Variants in LRRC28 observed in about 807,000 individuals in gnomAD.
LRRC28 encodes leucine-rich repeat-containing protein 28.
LRRC28 carries 39 observed loss-of-function variants against 45.7 expected under a neutral mutation model. That is an observed-to-expected ratio of 0.85 (90% CI 0.66 to 1.12). The LOEUF (loss-of-function observed/expected upper bound fraction) is 1.12, where lower values mean the gene tolerates loss of function less well. Ranked by LOEUF, LRRC28 falls within the 50% of genes most tolerant of loss-of-function variation. LRRC28 has a pLI of 0.00. For synonymous variants in LRRC28, 206 were observed against 178.8 expected, an observed-to-expected ratio of 1.15 and a Z score of -1.22; for missense variants, 435 against 438.5, an observed-to-expected ratio of 0.99 and a Z score of 0.07.
intron 9 of LRRC28, among the ~76,000 whole-genome samples, chr15:99,377,603 A>G (rs1322074354): frequency 2.6e-5 from 4 of 152,296 alleles, no homozygotes; most frequent in Admixed American, 2.6e-4. Context: ...TGTTTTAGAC[A>G]TGAAGTCCTT....
chr15:99,313,484 A>G (rs1258633887), intron 5 of LRRC28, among the ~76,000 whole-genome samples: 2 of 152,230 alleles, frequency 1.3e-5, no homozygotes, highest in South Asian at 4.2e-4. Flanking sequence ...TGCAGCACAC[A>G]TAGAATATTC....
chr15:99,259,454 G>C, intron 2 of LRRC28: 1 of 1,266,386 alleles, frequency 7.9e-7, no homozygotes, highest in Non-Finnish European at 1.2e-6. Context: ...AGTTGAGAAA[G>C]AATTTGAGCC....
chr15:99,287,295 G>T lies in LRRC28; in HGVS notation c.247+1G>T, dbSNP rs1229210358. 5.8e-6 allele frequency: 9 copies of T among 1,554,090 alleles called. No homozygotes were observed. The highest frequency in any genetic ancestry group is 7.8e-6 in the Non-Finnish European group (9 of 1,153,462). On this transcript the variant is annotated splice_donor_variant, in intron 4 of 9. Transcript: ENST00000301981. LOFTEE classifies it high-confidence loss of function. ...AATAACATAGTTGTGGTTCCGGAAG[G>T]TATGTTTAACTTAAAAATTTTAGTT... is the stretch of plus-strand genomic sequence containing the variant.
chr15:99,269,075 G>GTT (rs574928357), intron 2 of LRRC28, among the ~76,000 whole-genome samples: 7,949 of 151,884 alleles, frequency 0.052, 291 homozygotes, highest in Admixed American at 0.11. Flanking sequence ...TGGATGTATA[G>GTT]TTTTTTTTAT....
At position 99,334,129 on chromosome 15, in the gene LRRC28, G is replaced by A. The variant is rs779832672; in HGVS notation, c.592G>A (p.Asp198Asn). 1.2e-6 allele frequency: 2 copies of A among 1,614,052 alleles called. No homozygotes were observed. Among genetic ancestry groups the A allele is most frequent in the African/African-American group, 1.3e-5 (1 of 75,030 alleles). Reference protein sequence around the residue: ...AGNRLAFLPLDLGRSRELQYV... With the variant: ...AGNRLAFLPLNLGRSRELQYV... ...AAACCGTCTTGCATTTTTGCCACTT[G>A]GTAAGTGATTGTGTTTAAAGTAAAG... The change falls in exon 6 of 10, where the codon GAT becomes AAT. Residue 198 changes from aspartate (D) to asparagine (N), a missense_variant and splice_region_variant. Coordinates refer to ENST00000301981, the MANE Select transcript of LRRC28 (RefSeq NM_144598.5).
intron 5 of LRRC28, among the ~76,000 whole-genome samples, chr15:99,293,873 TG>T (rs1276451665): frequency 6.6e-6 from 1 of 152,312 alleles, no homozygotes; most frequent in East Asian, 1.9e-4. Context: ...GCAGTTCTAC[TG>T]GCAGTGAACT....
chr15:99,345,491 G>C (rs1314919636), intron 6 of LRRC28, among the ~76,000 whole-genome samples: 1 of 152,064 alleles, frequency 6.6e-6, no homozygotes. Flanking sequence ...TGTCTGTTTA[G>C]ATGCTTTGCC....
intron 5 of LRRC28, among the ~76,000 whole-genome samples, chr15:99,308,159 C>A (rs1955256426): frequency 6.6e-6 from 1 of 152,098 alleles, no homozygotes; most frequent in Admixed American, 6.6e-5. Flanking sequence ...CTTTCTTTTA[C>A]CAACAGGGCA....
chr15:99,376,363 G>C (rs966467802), intron 9 of LRRC28, among the ~76,000 whole-genome samples: 1 of 151,966 alleles, frequency 6.6e-6, no homozygotes, highest in African/African-American at 2.4e-5. Flanking sequence ...ATTTTTCCTT[G>C]CTTTAAACTT....
intron 2 of LRRC28, among the ~76,000 whole-genome samples, chr15:99,273,299 C>T (rs550801346): frequency 1.8e-4 from 27 of 151,750 alleles, no homozygotes; most frequent in African/African-American, 6.3e-4. Context: ...TGCAGTGGCG[C>T]GATCTTGGCT....
intron 5 of LRRC28, among the ~76,000 whole-genome samples, chr15:99,304,273 T>A (rs1955097474): frequency 6.6e-6 from 1 of 152,220 alleles, no homozygotes; most frequent in Non-Finnish European, 1.5e-5. Flanking sequence ...TGTCAACCCC[T>A]GTGATTATCT....
intron 7 of LRRC28, 149 bp from the exon 8 acceptor site, chr15:99,361,187 C>G (rs768113824): frequency 1.0e-6 from 1 of 965,484 alleles, no homozygotes; most frequent in African/African-American, 1.7e-5. Flanking sequence ...TGAAGGAACC[C>G]GGGATAGCAT....
intron 6 of LRRC28, among the ~76,000 whole-genome samples, chr15:99,340,837 A>T (rs1956482258): frequency 6.6e-6 from 1 of 152,224 alleles, no homozygotes; most frequent in Non-Finnish European, 1.5e-5. Flanking sequence ...TAATGAAAAC[A>T]GAGAAGAGAA....
intron 5 of LRRC28, among the ~76,000 whole-genome samples, chr15:99,325,031 C>T (rs1053816011): frequency 6.6e-6 from 1 of 152,170 alleles, no homozygotes; most frequent in Non-Finnish European, 1.5e-5. Context: ...GGGAGTGTGC[C>T]ATCTCACCAG....
rs765847519 is a variant in LRRC28 at position 99,352,439 on chromosome 15, T to C, written c.663T>C (p.Ser221=). The part of the protein sequence containing the change: ...DNNIHLKGLP[S]YLYNKVIGCS... ...ACATTCACCTGAAAGGCTTGCCATCTTATCTGTACAATAAAGTCATCGGGT... is the reference window on the plus strand; with the variant it reads ...ACATTCACCTGAAAGGCTTGCCATCCTATCTGTACAATAAAGTCATCGGGT... Residue 221 remains serine (S), a synonymous_variant, in exon 7 of 10, where the codon TCT becomes TCC. Transcript: ENST00000301981. The C allele has an allele frequency of 6.2e-7, 1 of 1,614,054 alleles. No individual in the cohort carries two copies. The highest frequency in any genetic ancestry group is 1.1e-5 in the South Asian group (1 of 91,076).
intron 5 of LRRC28, among the ~76,000 whole-genome samples, chr15:99,290,639 A>G (rs1184376099): frequency 6.6e-6 from 1 of 152,062 alleles, no homozygotes; most frequent in Non-Finnish European, 1.5e-5. Context: ...TTTTACATAC[A>G]TTTAAAGAAT....
At chr15:99,284,192 T>C (rs781769662) in intron 3 of LRRC28, among the ~76,000 whole-genome samples, 16 of 152,210 alleles carry the variant, frequency 1.1e-4, no homozygotes, top group Non-Finnish European at 2.1e-4. Flanking sequence ...TGAGTTGAGA[T>C]GGTGTTTCAC....
intron 5 of LRRC28, among the ~76,000 whole-genome samples, chr15:99,304,511 A>ACCT (rs1955108220): frequency 6.6e-6 from 1 of 151,658 alleles, no homozygotes; most frequent in Non-Finnish European, 1.5e-5. Context: ...GCTCACTGCA[A>ACCT]CCTCTGCCTC....
intron 2 of LRRC28, among the ~76,000 whole-genome samples, chr15:99,272,735 T>C (rs2081514886): frequency 6.6e-6 from 1 of 152,218 alleles, no homozygotes; most frequent in African/African-American, 2.4e-5. Flanking sequence ...AATCCTTGGC[T>C]TGATTTAGAG....
Sources: gnomAD v4.1 joint callset for allele counts (sites outside exome capture counted in the v4.1 genomes callset) on GRCh38, gnomAD v4.1.1 for gene constraint, MANE v1.5 for transcripts, NCBI Gene and HGNC (gene_info 2026-07-23, HGNC 2026-07-21) for gene names.